The following SPTSSA variants were observed in gnomAD, a reference collection of about 807,000 sequenced individuals.
SPTSSA encodes the protein small subunit of serine palmitoyltransferase A.
Under a neutral mutation model 9.1 loss-of-function variants are expected in SPTSSA, and 8 were observed. The ratio of observed to expected loss-of-function variants is 0.88; its 90% CI spans 0.51 to 1.58. The LOEUF (loss-of-function observed/expected upper bound fraction) is 1.58, where lower values mean the gene tolerates loss of function less well. SPTSSA is among the 40% of genes most tolerant of loss of function. The pLI is 0.00. For missense variants in SPTSSA, 100 were observed against 93.8 expected, an observed-to-expected ratio of 1.07 and a Z score of -0.27; for synonymous variants, 42 against 37.7, an observed-to-expected ratio of 1.11 and a Z score of -0.41.
rs555632829 is a variant in SPTSSA at position 34,444,834 on chromosome 14, C to A, written c.113-9530G>T. Among the ~76,000 whole-genome samples, 3 of 152,146 alleles carry A rather than the reference C, an allele frequency of 2.0e-5. 1 individual carries two copies. In the East Asian group the frequency reaches 5.8e-4, roughly 29 times the overall value. ...AACAGGTCAGGCACGATGGCTCATG[C>A]CTGTAATCCCAACACTTTGAGAGAA... On this transcript the variant is annotated intron_variant, in intron 1 of 1. Coordinates refer to ENST00000298130, the MANE Select transcript of SPTSSA (RefSeq NM_138288.4).
intron 1 of SPTSSA, among the ~76,000 whole-genome samples, chr14:34,451,816 G>A (rs1883532505): frequency 6.7e-6 from 1 of 149,262 alleles, no homozygotes; most frequent in South Asian, 2.1e-4. Context: ...AATGAAAAAA[G>A]AAAACAAAGC....
At chr14:34,448,704 A>G (rs1464889699) in intron 1 of SPTSSA, among the ~76,000 whole-genome samples, 1 of 152,150 alleles carries the variant, frequency 6.6e-6, no homozygotes. Context: ...AAAACCCTTC[A>G]TTCCTTCCTC....
chr14:34,434,911 G>A lies in SPTSSA; in HGVS notation c.*290C>T, dbSNP rs1205958557. 9.9e-6 allele frequency: 2 copies of A among 201,114 alleles called. No individual in the cohort carries two copies. The highest frequency in any genetic ancestry group is 1.0e-5 in the Non-Finnish European group (1 of 100,218). 12.5% of individuals were successfully genotyped at this position (201,114 alleles called of 1,614,324 possible). ...GTTACATTAAGAAAAGCTTTCACGG[G>A]GGTAATATTGAAACAGTCACAAAGG... On this transcript the variant is annotated 3_prime_UTR_variant, in exon 2 of 2. Coordinates refer to ENST00000298130, the MANE Select transcript of SPTSSA (RefSeq NM_138288.4).
intron 1 of SPTSSA, among the ~76,000 whole-genome samples, chr14:34,461,321 A>C (rs956596205): frequency 1.3e-5 from 2 of 152,186 alleles, no homozygotes; most frequent in Non-Finnish European, 1.5e-5. Context: ...TATTAACTGA[A>C]GTTCTCAAAG....
chr14:34,449,129 C>A (rs539601824), intron 1 of SPTSSA, among the ~76,000 whole-genome samples: 1 of 151,870 alleles, frequency 6.6e-6, no homozygotes, highest in East Asian at 2.0e-4. Context: ...GTGGTTCACA[C>A]CTGTAATCCC....
intron 1 of SPTSSA, among the ~76,000 whole-genome samples, chr14:34,444,539 G>A (rs982259897): frequency 6.6e-6 from 1 of 152,014 alleles, no homozygotes; most frequent in Non-Finnish European, 1.5e-5. Flanking sequence ...GGATCCCGAG[G>A]TCAACAGTTC....
chr14:34,443,638 C>T (rs149763144), intron 1 of SPTSSA, among the ~76,000 whole-genome samples: 112 of 151,638 alleles, frequency 7.4e-4, no homozygotes, highest in East Asian at 3.5e-3. Context: ...CAGGTTCAAG[C>T]GATTCTCCTG....
At chr14:34,447,721 T>TTG (rs1883446520) in intron 1 of SPTSSA, among the ~76,000 whole-genome samples, 1 of 152,088 alleles carries the variant, frequency 6.6e-6, no homozygotes, top group Non-Finnish European at 1.5e-5. Context: ...CAAAACGGGG[T>TTG]TGTTTGTGCT....
intron 1 of SPTSSA, among the ~76,000 whole-genome samples, chr14:34,437,043 T>C (rs1424176114): frequency 6.6e-6 from 1 of 152,232 alleles, no homozygotes; most frequent in African/African-American, 2.4e-5. Flanking sequence ...TCCTCCAGAC[T>C]GTAGGCATTG....
At chr14:34,460,927 T>C (rs1463835453) in intron 1 of SPTSSA, among the ~76,000 whole-genome samples, 1 of 152,200 alleles carries the variant, frequency 6.6e-6, no homozygotes, top group African/African-American at 2.4e-5. Flanking sequence ...TAAACTGCTT[T>C]GAAAGCATCT....
chr14:34,442,300 A>G (rs1166202271), intron 1 of SPTSSA, among the ~76,000 whole-genome samples: 1 of 152,182 alleles, frequency 6.6e-6, no homozygotes, highest in Non-Finnish European at 1.5e-5. Flanking sequence ...TTCTTTTCTT[A>G]CACTAAATTT....
chr14:34,443,235 GTGT>G (rs1883358400), intron 1 of SPTSSA, among the ~76,000 whole-genome samples: 4 of 80,480 alleles, frequency 5.0e-5, no homozygotes, highest in African/African-American at 1.7e-4. Flanking sequence ...GTGTGTGTGT[GTGT>G]TTTGAGATGG....
rs958490338 is a variant in SPTSSA, at chr14:34,442,955, GGT to G, written c.113-7653_113-7652del. ...GTGTGTGTGTATACATGTCTAGGGG[GGT>G]GTGTGTGTGTGTGTGTGTGTGTGTG... On this transcript the variant is annotated intron_variant, in intron 1 of 1. Coordinates refer to ENST00000298130, the MANE Select transcript of SPTSSA (RefSeq NM_138288.4). Among the ~76,000 whole-genome samples the G allele has an allele frequency of 9.1e-3, 1,126 of 124,012 alleles. 7 individuals carry two copies. Among genetic ancestry groups the G allele is most frequent in the African/African-American group, 0.027 (840 of 31,596 alleles). 81.4% of individuals were successfully genotyped at this position (124,012 alleles called of 152,430 possible). A position where few individuals can be genotyped will look rare whatever the true frequency, so the allele number is the denominator to read the frequency against.
intron 1 of SPTSSA, among the ~76,000 whole-genome samples, chr14:34,456,109 G>A (rs1438252989): frequency 1.3e-5 from 2 of 151,224 alleles, no homozygotes; most frequent in African/African-American, 2.4e-5. Context: ...GGATCACGAG[G>A]TCAGGAGATC....
At chr14:34,452,361 TTA>T (rs1883545749) in intron 1 of SPTSSA, among the ~76,000 whole-genome samples, 1 of 152,172 alleles carries the variant, frequency 6.6e-6, no homozygotes, top group African/African-American at 2.4e-5. Context: ...TGTCACAATA[TTA>T]TACTGTCACA....
At chr14:34,441,896 G>C (rs1045412135) in intron 1 of SPTSSA, among the ~76,000 whole-genome samples, 1 of 150,316 alleles carries the variant, frequency 6.7e-6, no homozygotes, top group African/African-American at 2.5e-5. Flanking sequence ...TTTGTTTTTG[G>C]AGACAGTCTT....
At chr14:34,454,574 G>A (rs1883580343) in intron 1 of SPTSSA, among the ~76,000 whole-genome samples, 1 of 152,200 alleles carries the variant, frequency 6.6e-6, no homozygotes, top group Non-Finnish European at 1.5e-5. Flanking sequence ...ACAGGCTAGA[G>A]CAGTTTTCTT....
At chr14:34,437,454 G>C (rs1380086001) in intron 1 of SPTSSA, among the ~76,000 whole-genome samples, 2 of 152,178 alleles carry the variant, frequency 1.3e-5, no homozygotes, top group African/African-American at 4.8e-5. Context: ...CTTTTGGTTA[G>C]ACTAACCCAT....
intron 1 of SPTSSA, among the ~76,000 whole-genome samples, chr14:34,443,194 AG>A (rs796571795): frequency 2.2e-3 from 32 of 14,508 alleles, no homozygotes; most frequent in African/African-American, 0.014. Flanking sequence ...GTTTTCCTCT[AG>A]GGGGTGTGTG....
Sources: gnomAD v4.1 joint callset for allele counts (sites outside exome capture counted in the v4.1 genomes callset) on GRCh38, gnomAD v4.1.1 for gene constraint, MANE v1.5 for transcripts, NCBI Gene and HGNC (gene_info 2026-07-23, HGNC 2026-07-21) for gene names.